The following CADPS variants were observed in gnomAD, a reference collection of about 807,000 sequenced individuals.
CADPS encodes the protein calcium dependent secretion activator, also known as calcium-dependent secretion activator 1.
Under a neutral mutation model 167.3 loss-of-function variants are expected in CADPS, and 57 were observed. The ratio of observed to expected loss-of-function variants is 0.34; its 90% CI spans 0.28 to 0.42. The LOEUF is 0.42. CADPS is among the 20% of genes least tolerant of loss of function. CADPS has a pLI of 1.00. For missense variants in CADPS, 1,414 were observed against 1,738.1 expected, an observed-to-expected ratio of 0.81 and a Z score of 3.32; for synonymous variants, 676 against 635.3, an observed-to-expected ratio of 1.06 and a Z score of -0.96.
At chr3:62,815,423 C>A (rs1287514794) in intron 1 of CADPS, among the ~76,000 whole-genome samples, 2 of 151,452 alleles carry the variant, frequency 1.3e-5, no homozygotes, top group Non-Finnish European at 2.9e-5. Flanking sequence ...ATAATGGTGA[C>A]CAGGGGTGGG....
At chr3:62,644,653 T>C (rs1403625097) in intron 6 of CADPS, among the ~76,000 whole-genome samples, 1 of 152,202 alleles carries the variant, frequency 6.6e-6, no homozygotes, top group Admixed American at 6.5e-5. Flanking sequence ...TGGCCTCTTT[T>C]GAATTTCTCC....
intron 3 of CADPS, among the ~76,000 whole-genome samples, chr3:62,678,280 A>G (rs1450077878): frequency 6.6e-6 from 1 of 152,086 alleles, no homozygotes; most frequent in Non-Finnish European, 1.5e-5. Flanking sequence ...AGGCACAATG[A>G]GGAGGTTTCT....
chr3:62,854,523 A>G (rs1288856077), intron 1 of CADPS, among the ~76,000 whole-genome samples: 8 of 152,234 alleles, frequency 5.3e-5, no homozygotes, highest in Non-Finnish European at 8.8e-5. Flanking sequence ...GAATATCTCC[A>G]TATTACAATG....
intron 17 of CADPS, 154 bp from the exon 18 acceptor site, chr3:62,499,422 C>T: frequency 1.9e-6 from 1 of 527,466 alleles, no homozygotes; most frequent in South Asian, 2.6e-5. Context: ...AGTGAGCAAA[C>T]CATAAAGCCA....
In CADPS at chr3:62,602,087, C is replaced by CA. The variant is rs1199600338; in HGVS notation, c.1326-9340dup. On this transcript the variant is annotated intron_variant, in intron 6 of 29. Coordinates refer to ENST00000383710, the MANE Select transcript of CADPS (RefSeq NM_003716.4). This position sits in a 1 kb window ranked among gnomAD's most constrained non-coding sequence, Gnocchi z 4.4. ...TCATTAGAATTTTTCCCCCCATGAA[C>CA]AAAAAACAACATTTGCCACATAGGG... 6.6e-6 allele frequency among the ~76,000 whole-genome samples: 1 copy of CA among 152,020 alleles called. No individual in the cohort carries two copies. Among genetic ancestry groups the CA allele is most frequent in the Non-Finnish European group, 1.5e-5 (1 of 68,000 alleles).
intron 3 of CADPS, among the ~76,000 whole-genome samples, chr3:62,674,726 C>T (rs2076078108): frequency 6.6e-6 from 1 of 152,132 alleles, no homozygotes; most frequent in Non-Finnish European, 1.5e-5. Context: ...TTATAATATA[C>T]TGCATTGTGT....
rs1478294468 is a variant in CADPS, at chr3:62,420,624, C to T, written c.3778-17439G>A. Among the ~76,000 whole-genome samples, 1 of 152,052 alleles carries T rather than the reference C, an allele frequency of 6.6e-6. No individual in the cohort carries two copies. The highest frequency in any genetic ancestry group is 1.5e-5 in the Non-Finnish European group (1 of 68,020). On this transcript the variant is annotated intron_variant, in intron 28 of 29. Coordinates refer to ENST00000383710, the MANE Select transcript of CADPS (RefSeq NM_003716.4). The surrounding 1 kb of genome is among the most constrained non-coding windows in gnomAD (Gnocchi z 4.1). ...TATTTGGGTGTCCATAGCAACTGCCCAATTAAGGGAGTCTAGAAAACAGGT... is the reference window on the plus strand; with the variant it reads ...TATTTGGGTGTCCATAGCAACTGCCTAATTAAGGGAGTCTAGAAAACAGGT...
In CADPS at chr3:62,532,856, C is replaced by T; in HGVS notation, c.2291+15G>A. ...TTCTTAAGGATCACCTCTAGACACACGAACACACACTTACCTGTTCCCATG... is the reference window on the plus strand; with the variant it reads ...TTCTTAAGGATCACCTCTAGACACATGAACACACACTTACCTGTTCCCATG... On this transcript the variant is annotated intron_variant, in intron 13 of 29. Transcript: ENST00000383710. 5 of 1,611,960 alleles carry T rather than the reference C, an allele frequency of 3.1e-6. No homozygotes were observed. The East Asian group carries it at 6.7e-5, about 22-fold the overall frequency.
intron 9 of CADPS, among the ~76,000 whole-genome samples, chr3:62,566,471 G>A (rs551962982): frequency 6.6e-6 from 1 of 152,308 alleles, no homozygotes; most frequent in East Asian, 1.9e-4. Context: ...GACCAGCACT[G>A]GTGGCCTTGA....
chr3:62,626,403 A>C (rs2064091987), intron 6 of CADPS: 1 of 651,844 alleles, frequency 1.5e-6, no homozygotes, highest in Non-Finnish European at 2.8e-6. Context: ...GGATGAGTGT[A>C]AACCAGGGAA....
At chr3:62,829,951 G>A (rs186412550) in intron 1 of CADPS, among the ~76,000 whole-genome samples, 21 of 152,144 alleles carry the variant, frequency 1.4e-4, no homozygotes, top group African/African-American at 5.1e-4. Context: ...CAATAAACAG[G>A]GGCATCTCTT....
chr3:62,678,597 T>A (rs2076669370), intron 3 of CADPS, among the ~76,000 whole-genome samples: 1 of 152,120 alleles, frequency 6.6e-6, no homozygotes, highest in Non-Finnish European at 1.5e-5. Flanking sequence ...CAGTTTCTCT[T>A]CCCTGATAAG....
chr3:62,488,171 G>A (rs1354930243), intron 21 of CADPS, among the ~76,000 whole-genome samples: 1 of 152,156 alleles, frequency 6.6e-6, no homozygotes. Flanking sequence ...TGAGCTTGAT[G>A]AGAAGTATGC....
At chr3:62,761,427 C>T (rs1457606224) in intron 2 of CADPS, among the ~76,000 whole-genome samples, 2 of 151,988 alleles carry the variant, frequency 1.3e-5, no homozygotes, top group Non-Finnish European at 2.9e-5. Context: ...AACACTCACA[C>T]ACCCCAAACA....
intron 1 of CADPS, among the ~76,000 whole-genome samples, chr3:62,857,038 A>T (rs897920215): frequency 3.3e-5 from 5 of 152,102 alleles, no homozygotes; most frequent in African/African-American, 9.7e-5. Flanking sequence ...GTCGAACAAC[A>T]TAACAAACAT....
Position 62,662,348 on chromosome 3 carries a change from T to A in CADPS, c.935A>T (p.Asp312Val). 2 of 1,613,978 alleles carry A rather than the reference T, an allele frequency of 1.2e-6. No homozygotes were observed. Among genetic ancestry groups the A allele is most frequent in the Non-Finnish European group, 1.7e-6 (2 of 1,179,894 alleles). Reference protein sequence around the residue: ...EQAAQIRRELDGRLQMADQIA... With the variant: ...EQAAQIRRELVGRLQMADQIA... ...TTGGTCTGCCATTTGTAGACGTCCA[T>A]CCAGCTCTCGTCTGATCTGGGCTGC... The change falls in exon 4 of 30, where the codon GAT (aspartate) becomes GTT (valine). Residue 312 changes from aspartate to valine, a missense_variant. Coordinates refer to ENST00000383710, the MANE Select transcript of CADPS (RefSeq NM_003716.4).
At chr3:62,622,382 T>C (rs1563006503) in intron 6 of CADPS, among the ~76,000 whole-genome samples, 2 of 152,090 alleles carry the variant, frequency 1.3e-5, no homozygotes, top group African/African-American at 4.8e-5. Flanking sequence ...TCCCAGGCCT[T>C]TTAGTTTTTT....
At chr3:62,636,859 T>C (rs2066411203) in intron 6 of CADPS, among the ~76,000 whole-genome samples, 1 of 152,122 alleles carries the variant, frequency 6.6e-6, no homozygotes, top group Admixed American at 6.6e-5. Flanking sequence ...TCGAAGGCAG[T>C]CCACCCTCAG....
At chr3:62,661,860 T>C (rs756363655) in intron 4 of CADPS, among the ~76,000 whole-genome samples, 20 of 152,068 alleles carry the variant, frequency 1.3e-4, no homozygotes, top group Non-Finnish European at 2.6e-4. Flanking sequence ...TGACTGAGTG[T>C]GGAACATTGC....
Sources: gnomAD v4.1 joint callset for allele counts (sites outside exome capture counted in the v4.1 genomes callset) on GRCh38, gnomAD v4.1.1 for gene constraint, Gnocchi (gnomAD v3.1) non-coding constraint, MANE v1.5 for transcripts, NCBI Gene and HGNC (gene_info 2026-07-23, HGNC 2026-07-21) for gene names.